The following IST1 variants were observed in gnomAD, a reference collection of about 807,000 sequenced individuals.
IST1 encodes the protein IST1 factor associated with ESCRT-III.
In IST1, 23 loss-of-function variants were observed where a neutral mutation model predicts 37.0. The ratio of observed to expected loss-of-function variants is 0.62; its 90% CI spans 0.45 to 0.88. The LOEUF (loss-of-function observed/expected upper bound fraction) is 0.88, where lower values mean the gene tolerates loss of function less well. IST1 is among the 40% of genes least tolerant of loss of function. The pLI is 0.00. For synonymous variants in IST1, 180 were observed against 161.7 expected, an observed-to-expected ratio of 1.11 and a Z score of -0.86; for missense variants, 488 against 445.4, an observed-to-expected ratio of 1.10 and a Z score of -0.86.
Position 71,895,571 on chromosome 16 carries a change from C to A in IST1, c.-34C>A, listed in dbSNP as rs1165827909. ...CCCTGAAGTCGGTGTCTGCTGCGTT[C>A]ACGGCAGGATTCGGTTAGGTGAGTG... On this transcript the variant is annotated 5_prime_UTR_variant, in exon 1 of 10. Transcript: ENST00000378799. The A allele has an allele frequency of 6.1e-6, 6 of 985,332 alleles. No homozygotes were observed. The East Asian group carries it at 5.7e-4, about 93-fold the overall frequency. 61.0% of individuals were successfully genotyped at this position (985,332 alleles called of 1,614,324 possible).
At chr16:71,925,463 ACG>A (rs2037719905) in intron 9 of IST1, among the ~76,000 whole-genome samples, 1 of 150,968 alleles carries the variant, frequency 6.6e-6, no homozygotes, top group South Asian at 2.1e-4. Context: ...TTATAGGCAC[ACG>A]CCACCACGCC....
rs368065641 is a variant in IST1, at chr16:71,926,705, A to G, written c.902-909A>G. ...CCACTCTCTGATCAAGGTATACAAC[A>G]TTACTCTTACCTCAAAGTTCCCTTG... is the stretch of plus-strand genomic sequence containing the variant. On this transcript the variant is annotated intron_variant, in intron 9 of 9. Coordinates refer to ENST00000378799, the MANE Select transcript of IST1 (RefSeq NM_001270975.2). Among the ~76,000 whole-genome samples the G allele has an allele frequency of 1.2e-3, 188 of 152,280 alleles. 1 individual carries two copies. The highest frequency in any genetic ancestry group is 4.4e-3 in the African/African-American group (181 of 41,570).
chr16:71,916,423 C>A, intron 2 of IST1, 39 bp from the exon 3 acceptor site: 2 of 1,601,344 alleles, frequency 1.2e-6, no homozygotes, highest in African/African-American at 1.3e-5. Context: ...GATGCAAGTG[C>A]TCTACTGCTG....
At chr16:71,910,989 A>C (rs186921618) in intron 1 of IST1, among the ~76,000 whole-genome samples, 1 of 151,974 alleles carries the variant, frequency 6.6e-6, no homozygotes, top group South Asian at 2.1e-4. Flanking sequence ...AACAAACAAA[A>C]AAAACATTGG....
In IST1 at chr16:71,929,390, C is replaced by T. The variant is rs1289550736; in HGVS notation, c.*1577C>T. On this transcript the variant is annotated 3_prime_UTR_variant, in exon 10 of 10. Coordinates refer to ENST00000378799, the MANE Select transcript of IST1 (RefSeq NM_001270975.2). ...ATTGTTAATCCTATCTTGACAGTGC[C>T]AAGATCCATAAGAACTTGGGACCAA... 2 of 771,404 alleles carry T rather than the reference C, an allele frequency of 2.6e-6. No individual in the cohort carries two copies. Among genetic ancestry groups the T allele is most frequent in the Non-Finnish European group, 4.0e-6 (2 of 503,362 alleles). 47.8% of individuals were successfully genotyped at this position (771,404 alleles called of 1,614,324 possible). A position where few individuals can be genotyped will look rare whatever the true frequency, so the allele number is the denominator to read the frequency against.
chr16:71,904,295 T>G (rs1186417973), intron 1 of IST1, among the ~76,000 whole-genome samples: 1 of 152,180 alleles, frequency 6.6e-6, no homozygotes, highest in East Asian at 1.9e-4. Context: ...GGCTAATTTT[T>G]TATTTTTAGT....
upstream of IST1, chr16:71,895,423 C>T: frequency 2.8e-6 from 2 of 724,924 alleles, no homozygotes; most frequent in Non-Finnish European, 3.4e-6. Flanking sequence ...GCGCGTGGGT[C>T]CCGGCAGCGG....
chr16:71,916,574 G>A lies in IST1; in HGVS notation c.201G>A (p.Glu67=). 1 of 1,614,056 alleles carries A rather than the reference G, an allele frequency of 6.2e-7. No homozygotes were observed. Among genetic ancestry groups the A allele is most frequent in the Non-Finnish European group, 8.5e-7 (1 of 1,179,896 alleles). Residue 67 remains glutamate (E), a synonymous_variant, in exon 3 of 10, where the codon GAG becomes GAA. Coordinates refer to ENST00000378799, the MANE Select transcript of IST1 (RefSeq NM_001270975.2). Reference sequence around the variant, plus strand: ...TTATCCGGGAAGACTACCTCGTGGAGGCCATGGAGATCCTGGAGCTGTACT... The same window carrying A: ...TTATCCGGGAAGACTACCTCGTGGAAGCCATGGAGATCCTGGAGCTGTACT... ...EHIIREDYLV[E]AMEILELYCD... is the part of the protein sequence containing the mutation.
At chr16:71,920,444 C>G (rs952896067) in intron 4 of IST1, among the ~76,000 whole-genome samples, 4 of 152,206 alleles carry the variant, frequency 2.6e-5, no homozygotes, top group Admixed American at 2.6e-4. Context: ...GGAAACTTTA[C>G]TTTGTACAAT....
intron 1 of IST1, chr16:71,903,576 T>C (rs759004358): frequency 6.6e-6 from 1 of 152,210 alleles, no homozygotes; most frequent in Non-Finnish European, 1.5e-5. Flanking sequence ...TCCTCTTCTT[T>C]AAAAATTTAA....
chr16:71,910,538 G>A (rs556665946), intron 1 of IST1, among the ~76,000 whole-genome samples: 3 of 151,666 alleles, frequency 2.0e-5, no homozygotes, highest in Admixed American at 2.0e-4. Context: ...CCTGGGAGGC[G>A]GAGCTTGCAG....
At chr16:71,912,585 C>G (rs1045098974) in intron 1 of IST1, among the ~76,000 whole-genome samples, 1 of 152,100 alleles carries the variant, frequency 6.6e-6, no homozygotes, top group Non-Finnish European at 1.5e-5. Context: ...TATTTTAGCT[C>G]TTGAGAATTA....
chr16:71,929,776 T>A lies in IST1; in HGVS notation c.*1963T>A. The A allele has an allele frequency of 8.4e-7, 1 of 1,195,664 alleles. No individual in the cohort carries two copies. The highest frequency in any genetic ancestry group is 1.2e-6 in the Non-Finnish European group (1 of 867,770). The allele number at this position is 1,195,664 out of a possible 1,614,324, so 74.1% of individuals were successfully genotyped here. ...CAAAGATTTTTAAAAAATTAGTAAA[T>A]GTAAAGATACTATTTCTTTAATAAT... is the stretch of plus-strand genomic sequence containing the variant. On this transcript the variant is annotated 3_prime_UTR_variant, in exon 10 of 10. Transcript: ENST00000378799.
intron 1 of IST1, among the ~76,000 whole-genome samples, chr16:71,912,339 G>A (rs1395178795): frequency 2.0e-5 from 3 of 152,038 alleles, no homozygotes; most frequent in African/African-American, 7.2e-5. Flanking sequence ...CTGGGTTCAC[G>A]CCATTCTCTT....
rs1205315881 is a variant in IST1, at chr16:71,927,810, A to G, written c.1098A>G (p.Thr366=). 3.7e-6 allele frequency: 6 copies of G among 1,612,388 alleles called. No individual in the cohort carries two copies. Among genetic ancestry groups the G allele is most frequent in the Non-Finnish European group, 5.1e-6 (6 of 1,178,808 alleles). Residue 366 remains threonine (T), a synonymous_variant, in exon 10 of 10, where the codon ACA becomes ACG. Coordinates refer to ENST00000378799, the MANE Select transcript of IST1 (RefSeq NM_001270975.2). The part of the protein sequence containing the change: ...SRRFEELKKK[T] ...GGTTTGAAGAGCTGAAAAAGAAAAC[A>G]TAGGTCTCTTAAACCAGGCAACTTT...
At chr16:71,911,960 C>T (rs914315184) in intron 1 of IST1, among the ~76,000 whole-genome samples, 1 of 152,082 alleles carries the variant, frequency 6.6e-6, no homozygotes, top group South Asian at 2.1e-4. Flanking sequence ...AAGTCTCTGC[C>T]TCCCAAAGTG....
intron 6 of IST1, chr16:71,921,678 A>G (rs1378640239): frequency 6.5e-6 from 3 of 462,406 alleles, no homozygotes; most frequent in Non-Finnish European, 1.2e-5. Flanking sequence ...CAAATGTAAA[A>G]TGGCACTATT....
At chr16:71,902,716 A>G (rs1202479926) in intron 1 of IST1, among the ~76,000 whole-genome samples, 4 of 152,146 alleles carry the variant, frequency 2.6e-5, no homozygotes, top group African/African-American at 9.7e-5. Context: ...ATCGCCTTTA[A>G]AAGTCTTTAG....
chr16:71,920,900 T>C (rs1178365448), intron 5 of IST1, 78 bp downstream of exon 5: 5 of 975,620 alleles, frequency 5.1e-6, no homozygotes, highest in Non-Finnish European at 8.3e-6. Context: ...TTCTAGTGGG[T>C]ACCACTGTAT....
Sources: gnomAD v4.1 joint callset for allele counts (sites outside exome capture counted in the v4.1 genomes callset) on GRCh38, gnomAD v4.1.1 for gene constraint, MANE v1.5 for transcripts, NCBI Gene and HGNC (gene_info 2026-07-23, HGNC 2026-07-21) for gene names.